TMSB15B: variants seen among roughly 807,000 people sequenced by gnomAD.
TMSB15B encodes thymosin beta 15B.
At chrX:103,955,020 T>C (rs1478965873) in intron 1 of TMSB15B, among the ~76,000 whole-genome samples, 1 of 111,255 alleles carries the variant, frequency 9.0e-6, no homozygotes, top group Admixed American at 9.6e-5. Context: ...CAGCATGCAG[T>C]CCAGGGGTTG....
chrX:103,936,695 T>A (rs2074998943), intron 1 of TMSB15B, among the ~76,000 whole-genome samples: 1 of 111,524 alleles, frequency 9.0e-6, no homozygotes, highest in Non-Finnish European at 1.9e-5. Context: ...TGAATAGGAG[T>A]GGTGAGAGAG....
At chrX:103,935,375 GT>G (rs2074994830) in intron 1 of TMSB15B, among the ~76,000 whole-genome samples, 1 of 111,909 alleles carries the variant, frequency 8.9e-6, no homozygotes, top group Admixed American at 9.5e-5. Flanking sequence ...TTTGGCTTTT[GT>G]TTTAATTGCT....
intron 1 of TMSB15B, among the ~76,000 whole-genome samples, chrX:103,951,323 A>T (rs1317511742): frequency 8.9e-6 from 1 of 112,000 alleles, no homozygotes; most frequent in Non-Finnish European, 1.9e-5. Context: ...GCGGGTGCAG[A>T]TAGGTGAAAT....
intron 1 of TMSB15B, among the ~76,000 whole-genome samples, chrX:103,947,585 C>T (rs1267265994): frequency 8.9e-6 from 1 of 111,969 alleles, no homozygotes; most frequent in Admixed American, 9.5e-5. Flanking sequence ...TAGAGTTGCA[C>T]GCATACTAAA....
intron 1 of TMSB15B, chrX:103,931,210 A>C (rs2147818860): frequency 8.9e-6 from 1 of 112,169 alleles, no homozygotes; most frequent in East Asian, 2.8e-4. Flanking sequence ...GATTCAAGGA[A>C]GTATGAACAC....
intron 1 of TMSB15B, among the ~76,000 whole-genome samples, chrX:103,946,467 T>C (rs1301770032): frequency 2.7e-5 from 3 of 112,343 alleles, no homozygotes; most frequent in Non-Finnish European, 5.6e-5. Context: ...ATTCCATTTG[T>C]ATGTGTGGAA....
chrX:103,936,002 T>TG (rs2074996840), intron 1 of TMSB15B, among the ~76,000 whole-genome samples: 1 of 109,041 alleles, frequency 9.2e-6, no homozygotes, highest in African/African-American at 3.3e-5. Flanking sequence ...ATGCACCACC[T>TG]TGCCCAGCTA....
intron 1 of TMSB15B, chrX:103,932,749 A>G (rs2074987884): frequency 8.9e-6 from 1 of 111,822 alleles, no homozygotes; most frequent in Non-Finnish European, 1.9e-5. Context: ...AGTAATTTCA[A>G]ATGTCAATAT....
intron 1 of TMSB15B, among the ~76,000 whole-genome samples, chrX:103,934,635 C>G (rs782425986): frequency 9.0e-6 from 1 of 111,488 alleles, no homozygotes; most frequent in East Asian, 2.8e-4. Flanking sequence ...ATGATGGTTT[C>G]CAGCTTCATC....
At chrX:103,920,164 A>C (rs141507534) in intron 1 of TMSB15B, among the ~76,000 whole-genome samples, 1,747 of 112,319 alleles carry the variant, frequency 0.016, 41 homozygotes, top group African/African-American at 0.054. Flanking sequence ...CAAGGGAGGC[A>C]AGGCTCAGAG....
intron 1 of TMSB15B, among the ~76,000 whole-genome samples, chrX:103,921,561 G>A (rs1362488902): frequency 8.9e-6 from 1 of 111,878 alleles, no homozygotes; most frequent in Non-Finnish European, 1.9e-5. Context: ...GGGATGGGGG[G>A]AGTATTTGCA....
chrX:103,923,877 G>C (rs781795341), intron 1 of TMSB15B, among the ~76,000 whole-genome samples: 1 of 110,817 alleles, frequency 9.0e-6, no homozygotes, highest in East Asian at 2.8e-4. Flanking sequence ...CTTTTATTTC[G>C]TTGAGCAGTG....
intron 1 of TMSB15B, among the ~76,000 whole-genome samples, chrX:103,927,637 T>C (rs1393047401): frequency 8.5e-5 from 9 of 105,536 alleles, no homozygotes; most frequent in African/African-American, 3.1e-4. Context: ...TTAAATGCCT[T>C]TCTGCCTCTG....
intron 1 of TMSB15B, among the ~76,000 whole-genome samples, chrX:103,933,112 A>G (rs1331509764): frequency 8.9e-6 from 1 of 112,238 alleles, no homozygotes; most frequent in Non-Finnish European, 1.9e-5. Flanking sequence ...ATTAAATAGC[A>G]TTATAATTTT....
At chrX:103,929,143 A>T in intron 1 of TMSB15B, 1 of 474,587 alleles carries the variant, frequency 2.1e-6, no homozygotes, top group Non-Finnish European at 3.4e-6. Flanking sequence ...AACTCATTGC[A>T]TGGGAGAAGT....
chrX:103,928,175 C>A, intron 1 of TMSB15B: 1 of 1,167,209 alleles, frequency 8.6e-7, no homozygotes, highest in East Asian at 3.0e-5. Flanking sequence ...GAAAAGCTGG[C>A]ACTCCCAGGC....
At chrX:103,936,930 T>C (rs2074999598) in intron 1 of TMSB15B, among the ~76,000 whole-genome samples, 1 of 110,971 alleles carries the variant, frequency 9.0e-6, no homozygotes, top group Admixed American at 9.5e-5. Flanking sequence ...ATTGGTTCTG[T>C]TTATGTGATG....
intron 1 of TMSB15B, among the ~76,000 whole-genome samples, chrX:103,942,869 T>C (rs2075016070): frequency 8.9e-6 from 1 of 111,777 alleles, no homozygotes; most frequent in South Asian, 3.7e-4. Flanking sequence ...TTCTTACATA[T>C]AATGTCCTAT....
Position 103,953,853 on chromosome X carries a change from C to T in TMSB15B, c.-720-8168C>T, listed in dbSNP as rs1364685716. Among the ~76,000 whole-genome samples the T allele has an allele frequency of 8.1e-5, 9 of 111,436 alleles. No individual in the cohort carries two copies. In the East Asian group the frequency reaches 1.4e-3, roughly 18 times the overall value. On this transcript the variant is annotated intron_variant, in intron 1 of 3. Transcript: ENST00000419165. ...ACCATCTTTGCTTCTGCAGTGGAGC[C>T]GTCCTTGCTAACTTCGGGCTAACAA...
Sources: gnomAD v4.1 joint callset for allele counts (sites outside exome capture counted in the v4.1 genomes callset) on GRCh38, gnomAD v4.1.1 for gene constraint, MANE v1.5 for transcripts, NCBI Gene and HGNC (gene_info 2026-07-23, HGNC 2026-07-21) for gene names.